NDEL1: variants seen among roughly 807,000 people sequenced by gnomAD.
The protein encoded by NDEL1 is nuclear distribution protein nudE-like 1.
Under a neutral mutation model 45.7 loss-of-function variants are expected in NDEL1, and 9 were observed. That is an observed-to-expected ratio of 0.20 (90% CI 0.12 to 0.34). The LOEUF (loss-of-function observed/expected upper bound fraction) is 0.34, where lower values mean the gene tolerates loss of function less well. Among genes scored for constraint, NDEL1 ranks in the 10% least tolerant of loss-of-function variants. The pLI, the probability that NDEL1 is intolerant of heterozygous loss-of-function variation, is 1.00. For synonymous variants in NDEL1, 133 were observed against 158.6 expected (o/e 0.84, Z 1.21); for missense variants, 306 against 406.2 (o/e 0.75, Z 2.12).
chr17:8,446,954 A>G, intron 4 of NDEL1, 52 bp downstream of exon 4: 1 of 1,570,814 alleles, frequency 6.4e-7, no homozygotes, highest in Non-Finnish European at 8.6e-7. Flanking sequence ...GTAATTAGTG[A>G]TTAAAATCTT....
chr17:8,447,982 C>CGGTGGGGGGGGGGGGGG (rs1910197536), intron 4 of NDEL1, among the ~76,000 whole-genome samples: 8 of 107,712 alleles, frequency 7.4e-5, no homozygotes, highest in East Asian at 2.6e-4. Context: ...GGGAGGTGGG[C>CGGTGGGGGGGGGGGGGG]GGGGGGGGGG....
chr17:8,451,018 G>A lies in NDEL1; in HGVS notation c.700+65G>A, dbSNP rs371403787. The A allele has an allele frequency of 2.2e-5, 33 of 1,481,210 alleles. No individual in the cohort carries two copies. The East Asian group carries it at 3.8e-4, about 17-fold the overall frequency. 91.8% of individuals were successfully genotyped at this position (1,481,210 alleles called of 1,614,324 possible). A position where few individuals can be genotyped will look rare whatever the true frequency, so the allele number is the denominator to read the frequency against. Reference sequence around the variant, plus strand: ...GATCAGCTTACGGGGGTTTGTTGCTGAAGGCGGTTGCTAAGGTTTAAAGAG... The same window carrying A: ...GATCAGCTTACGGGGGTTTGTTGCTAAAGGCGGTTGCTAAGGTTTAAAGAG... On this transcript the variant is annotated intron_variant, in intron 6 of 8. Transcript: ENST00000334527.
chr17:8,443,699 TG>T (rs918840972), intron 1 of NDEL1, among the ~76,000 whole-genome samples: 25 of 152,152 alleles, frequency 1.6e-4, no homozygotes, highest in African/African-American at 6.0e-4. Flanking sequence ...TGGAGATTAG[TG>T]GGCTTTTGGA....
At chr17:8,453,124 G>C (rs1010354722) in intron 6 of NDEL1, among the ~76,000 whole-genome samples, 1 of 152,178 alleles carries the variant, frequency 6.6e-6, no homozygotes, top group Non-Finnish European at 1.5e-5. Context: ...AACTTGAATA[G>C]GGAAAAATGA....
At chr17:8,422,298 C>T (rs1361901588) in intron 1 of NDEL1, among the ~76,000 whole-genome samples, 1 of 152,154 alleles carries the variant, frequency 6.6e-6, no homozygotes, top group African/African-American at 2.4e-5. Flanking sequence ...CCTGCCTCTC[C>T]CCTCCACCCC....
rs1461798978 is a variant in NDEL1 at position 8,460,011 on chromosome 17, T to G, written c.795T>G (p.Ala265=). 1 of 1,611,750 alleles carries G rather than the reference T, an allele frequency of 6.2e-7. No homozygotes were observed. Among genetic ancestry groups the G allele is most frequent in the Non-Finnish European group, 8.5e-7 (1 of 1,179,212 alleles). Residue 265 remains alanine (A), a splice_region_variant and synonymous_variant, in exon 8 of 9, where the codon GCT becomes GCG. Transcript: ENST00000334527. The part of the protein sequence containing the change: ...IVGDLLRKVG[A]LESKLAACRN... Reference sequence around the variant, plus strand: ...TCATTCCTCCTTCTTTTTTGTAGGCTTTAGAATCCAAATTAGCAGCTTGCA... The same window carrying G: ...TCATTCCTCCTTCTTTTTTGTAGGCGTTAGAATCCAAATTAGCAGCTTGCA...
chr17:8,446,329 A>G (rs1597536618), intron 3 of NDEL1, among the ~76,000 whole-genome samples: 1 of 152,122 alleles, frequency 6.6e-6, no homozygotes, highest in Admixed American at 6.5e-5. Context: ...TCTGCCCTTT[A>G]CCATCTACTG....
chr17:8,473,955 T>C (rs1912070226), intron 3 of NDEL1, among the ~76,000 whole-genome samples: 1 of 152,168 alleles, frequency 6.6e-6, no homozygotes, highest in Middle Eastern at 3.2e-3. Flanking sequence ...CCTAAATCAC[T>C]CCCTTGACAG....
At chr17:8,428,598 C>T (rs971840755) in intron 1 of NDEL1, among the ~76,000 whole-genome samples, 6 of 151,346 alleles carry the variant, frequency 4.0e-5, no homozygotes, top group African/African-American at 7.3e-5. Flanking sequence ...CTCCTGACCT[C>T]GTGATCTGAC....
chr17:8,419,053 T>C (rs1038820897), intron 1 of NDEL1, among the ~76,000 whole-genome samples: 74 of 152,140 alleles, frequency 4.9e-4, no homozygotes, highest in African/African-American at 1.7e-3. Context: ...TCTTGCCATG[T>C]TGCCCTGGAT....
upstream of NDEL1, among the ~76,000 whole-genome samples, chr17:8,431,555 A>G (rs181797859): frequency 1.3e-5 from 2 of 152,316 alleles, no homozygotes; most frequent in East Asian, 3.9e-4. Context: ...GTAGCAATAT[A>G]ATAGTTGTTA....
chr17:8,445,489 TCATA>T (rs1341168912), intron 2 of NDEL1, among the ~76,000 whole-genome samples: 1 of 22,434 alleles, frequency 4.5e-5, no homozygotes, highest in Non-Finnish European at 3.4e-3. Context: ...GCCTTACTTT[TCATA>T]AATATTGTAA....
intron 1 of NDEL1, among the ~76,000 whole-genome samples, chr17:8,421,476 G>A (rs1908705265): frequency 2.0e-5 from 3 of 152,184 alleles, no homozygotes; most frequent in Non-Finnish European, 4.4e-5. Context: ...AACAAATGCA[G>A]CCACAAGCCA....
At chr17:8,415,649 T>C (rs1440286850) in intron 1 of NDEL1, among the ~76,000 whole-genome samples, 2 of 152,136 alleles carry the variant, frequency 1.3e-5, no homozygotes, top group African/African-American at 2.4e-5. Flanking sequence ...TTGCCTAGGC[T>C]GTTCTGGAAC....
At chr17:8,430,301 T>C (rs937440167) in intron 1 of NDEL1, among the ~76,000 whole-genome samples, 11 of 152,152 alleles carry the variant, frequency 7.2e-5, no homozygotes, top group African/African-American at 2.7e-4. Context: ...TAGCAAAAAA[T>C]GCTGGCCAAA....
In NDEL1 at chr17:8,447,061, C is replaced by T. The variant is rs576727182; in HGVS notation, c.389+159C>T. Among the ~76,000 whole-genome samples, 42 of 152,340 alleles carry T rather than the reference C, an allele frequency of 2.8e-4. No individual in the cohort carries two copies. In the South Asian group the frequency reaches 7.9e-3, roughly 29 times the overall value. On this transcript the variant is annotated intron_variant, in intron 4 of 8. Transcript: ENST00000334527. ...CGGACGGAAGGGAACCCCAAATCCT[C>T]ATCTCCCAGATAACGCCCTTCAAAG... is the stretch of plus-strand genomic sequence containing the variant.
At position 8,465,272 on chromosome 17, in the gene NDEL1, C is replaced by T. The variant is rs12938349; in HGVS notation, c.945-1658C>T. ...CCTTGGCCCCAGAAGAGGCACAGGC[C>T]TGTGACCTTGGGAGAGTGGGAAGGA... On this transcript the variant is annotated intron_variant, in intron 8 of 8. Coordinates refer to ENST00000334527, the MANE Select transcript of NDEL1 (RefSeq NM_030808.5). This position sits in a 1 kb window ranked among gnomAD's most constrained non-coding sequence, Gnocchi z 4.9. The T allele has an allele frequency of 0.51, 77,600 of 152,126 alleles. 20,768 individuals carry two copies. The highest frequency in any genetic ancestry group is 0.62 in the Middle Eastern group (181 of 292). 9.4% of individuals were successfully genotyped at this position (152,126 alleles called of 1,614,324 possible). A position where few individuals can be genotyped will look rare whatever the true frequency, so the allele number is the denominator to read the frequency against.
chr17:8,453,440 A>C (rs1910645008), intron 6 of NDEL1, among the ~76,000 whole-genome samples: 2 of 152,178 alleles, frequency 1.3e-5, no homozygotes, highest in South Asian at 4.1e-4. Context: ...CTTTATGATG[A>C]GGTAGTTGTT....
intron 8 of NDEL1, chr17:8,464,940 G>A (rs1356797124): frequency 6.6e-6 from 1 of 152,284 alleles, no homozygotes; most frequent in Non-Finnish European, 1.5e-5. Flanking sequence ...TGCTTGAGGA[G>A]CCATCTCCTA....
Sources: allele counts gnomAD v4.1 joint callset (sites outside exome capture counted in the v4.1 genomes callset), GRCh38; gene constraint gnomAD v4.1.1; non-coding constraint Gnocchi (gnomAD v3.1); transcripts MANE v1.5; gene names NCBI Gene and HGNC (gene_info 2026-07-23, HGNC 2026-07-21).